Variants in NRG3 observed in about 807,000 individuals in gnomAD.
The protein encoded by NRG3 is pro-neuregulin-3, membrane-bound isoform.
NRG3 carries 31 observed loss-of-function variants against 66.9 expected under a neutral mutation model. The ratio of observed to expected loss-of-function variants is 0.46; its 90% CI spans 0.35 to 0.63. The LOEUF is 0.63. Ranked by LOEUF, NRG3 falls within the 20% of genes least tolerant of loss-of-function variation. The pLI, the probability that NRG3 is intolerant of heterozygous loss-of-function variation, is 0.00. For missense variants in NRG3, 910 were observed against 878.9 expected, an observed-to-expected ratio of 1.04 and a Z score of -0.45; for synonymous variants, 393 against 359.4, an observed-to-expected ratio of 1.09 and a Z score of -1.06.
intron 1 of NRG3, among the ~76,000 whole-genome samples, chr10:82,252,444 C>A (rs2077526371): frequency 6.6e-6 from 1 of 152,130 alleles, no homozygotes; most frequent in Non-Finnish European, 1.5e-5. Flanking sequence ...TGGAAAAGTT[C>A]AGTTCTATGC....
At chr10:82,648,867 A>C (rs942624164) in intron 2 of NRG3, among the ~76,000 whole-genome samples, 1 of 152,128 alleles carries the variant, frequency 6.6e-6, no homozygotes, top group Non-Finnish European at 1.5e-5. Flanking sequence ...GTACCCTGAG[A>C]CTTTGCTGAA....
intron 1 of NRG3, among the ~76,000 whole-genome samples, chr10:82,146,900 C>A (rs2070307542): frequency 6.6e-6 from 1 of 152,096 alleles, no homozygotes; most frequent in African/African-American, 2.4e-5. Context: ...GGCAGCAGGA[C>A]CTGACAAAAG....
intron 1 of NRG3, among the ~76,000 whole-genome samples, chr10:82,302,494 C>T (rs913961178): frequency 1.3e-5 from 2 of 151,868 alleles, no homozygotes; most frequent in Non-Finnish European, 2.9e-5. Context: ...ACTTTGTATA[C>T]TATAATGCAT....
chr10:82,429,863 T>C (rs1435319480), intron 2 of NRG3, among the ~76,000 whole-genome samples: 1 of 152,180 alleles, frequency 6.6e-6, no homozygotes, highest in Non-Finnish European at 1.5e-5. Flanking sequence ...TGGATCTATC[T>C]TTAAGTTCAC....
chr10:82,721,561 T>G (rs2057323486), intron 2 of NRG3, among the ~76,000 whole-genome samples: 2 of 152,278 alleles, frequency 1.3e-5, no homozygotes, highest in South Asian at 4.1e-4. Context: ...TAGCTAGGAT[T>G]ACAGGCACCC....
chr10:82,245,705 C>A (rs1279310048), intron 1 of NRG3, among the ~76,000 whole-genome samples: 1 of 152,110 alleles, frequency 6.6e-6, no homozygotes, highest in Non-Finnish European at 1.5e-5. Flanking sequence ...TTAATAGCAA[C>A]TGTTATTTGT....
At chr10:82,867,881 C>T (rs772378005) in intron 4 of NRG3, among the ~76,000 whole-genome samples, 18 of 152,168 alleles carry the variant, frequency 1.2e-4, no homozygotes, top group South Asian at 2.1e-4. Flanking sequence ...CCTCCTCATT[C>T]GCTAATGATG....
chr10:82,743,759 G>T (rs1263292466), intron 3 of NRG3, among the ~76,000 whole-genome samples: 1 of 152,156 alleles, frequency 6.6e-6, no homozygotes, highest in Non-Finnish European at 1.5e-5. Context: ...GTAGGGCCAG[G>T]AGCCTGGGTA....
intron 2 of NRG3, among the ~76,000 whole-genome samples, chr10:82,401,345 TTA>T (rs1396367102): frequency 1.3e-5 from 2 of 151,972 alleles, no homozygotes; most frequent in Non-Finnish European, 2.9e-5. Context: ...TGTATATAAA[TTA>T]TATGTATATA....
At chr10:81,935,304 A>G (rs537644601) in intron 1 of NRG3, among the ~76,000 whole-genome samples, 2 of 152,298 alleles carry the variant, frequency 1.3e-5, no homozygotes, top group African/African-American at 2.4e-5. Context: ...CATTTTGGGG[A>G]AAAAATAACT....
At chr10:82,799,793 A>C (rs1011254026) in intron 3 of NRG3, 2 of 152,188 alleles carry the variant, frequency 1.3e-5, no homozygotes, top group Non-Finnish European at 2.9e-5. Flanking sequence ...AGGATAGTGA[A>C]AAGGGCAGTG....
intron 2 of NRG3, among the ~76,000 whole-genome samples, chr10:82,550,238 T>A (rs1454657981): frequency 2.0e-5 from 3 of 152,142 alleles, no homozygotes; most frequent in Admixed American, 1.3e-4. Context: ...ATTTAACATT[T>A]AAAAAATTTT....
At chr10:82,098,136 T>A (rs934001547) in intron 1 of NRG3, among the ~76,000 whole-genome samples, 3 of 151,580 alleles carry the variant, frequency 2.0e-5, no homozygotes, top group Admixed American at 2.0e-4. Flanking sequence ...ATGCCTCATG[T>A]CTCATATATA....
At chr10:82,759,671 A>G (rs111757066) in intron 3 of NRG3, among the ~76,000 whole-genome samples, 4,814 of 152,216 alleles carry the variant, frequency 0.032, 271 homozygotes, top group African/African-American at 0.11. Context: ...TGATATCCTT[A>G]GCCAAAGTGA....
chr10:82,871,477 G>C (rs915203984), intron 4 of NRG3, among the ~76,000 whole-genome samples: 2 of 151,950 alleles, frequency 1.3e-5, no homozygotes, highest in African/African-American at 2.4e-5. Context: ...ATTTTTATTG[G>C]AATTGCATTA....
At chr10:82,856,767 A>G (rs1181453376) in intron 3 of NRG3, among the ~76,000 whole-genome samples, 2 of 151,074 alleles carry the variant, frequency 1.3e-5, no homozygotes, top group East Asian at 3.9e-4. Flanking sequence ...AAAAAAAAAA[A>G]AAAAAAGAAA....
chr10:82,673,633 A>T (rs2053457080), intron 2 of NRG3, among the ~76,000 whole-genome samples: 1 of 152,152 alleles, frequency 6.6e-6, no homozygotes, highest in Admixed American at 6.5e-5. Flanking sequence ...TATGAGGTCT[A>T]CCAGGAGAGA....
chr10:81,915,085 A>G (rs1845549839), intron 1 of NRG3, among the ~76,000 whole-genome samples: 1 of 152,204 alleles, frequency 6.6e-6, no homozygotes, highest in Admixed American at 6.5e-5. Context: ...AACTTATTAA[A>G]AGTTTGCTTC....
In NRG3 at chr10:82,972,737, CTG is replaced by C. The variant is rs1851884843; in HGVS notation, c.1285-1048_1285-1047del. ...CTGGATCAAGTGCATTAAGTATTGTCTGTGAATTTTTTCAACAACCCTATAAG... is the reference window on the plus strand; with the variant it reads ...CTGGATCAAGTGCATTAAGTATTGTCTGAATTTTTTCAACAACCCTATAAG... On this transcript the variant is annotated intron_variant, in intron 6 of 8. Transcript: ENST00000372141. Among the ~76,000 whole-genome samples the C allele has an allele frequency of 2.0e-5, 3 of 152,164 alleles. No homozygotes were observed. In the South Asian group the frequency reaches 6.2e-4, roughly 32 times the overall value.
Sources: gnomAD v4.1 joint callset for allele counts (sites outside exome capture counted in the v4.1 genomes callset) on GRCh38, gnomAD v4.1.1 for gene constraint, MANE v1.5 for transcripts, NCBI Gene and HGNC (gene_info 2026-07-23, HGNC 2026-07-21) for gene names.